Variants in ATP10A observed in about 807,000 individuals in gnomAD.
ATP10A encodes the protein ATPase phospholipid transporting 10A (putative), also known as phospholipid-transporting ATPase VA.
A neutral mutation model predicts 147.8 loss-of-function variants in ATP10A; 111 were observed. The observed-to-expected ratio is 0.75, with a 90% confidence interval of 0.64 to 0.88. ATP10A has a LOEUF of 0.88. Ranked by LOEUF, ATP10A falls within the 40% of genes least tolerant of loss-of-function variation. The probability of loss-of-function intolerance (pLI) is 0.00; values close to 1 mark genes in which losing one functional copy is unlikely to be tolerated. For missense variants in ATP10A, 1,927 were observed against 1,959.0 expected (o/e 0.98, Z 0.31); for synonymous variants, 875 against 841.6 (o/e 1.04, Z -0.69).
At chr15:25,811,192 C>T (rs925735382) in intron 1 of ATP10A, among the ~76,000 whole-genome samples, 4 of 152,200 alleles carry the variant, frequency 2.6e-5, no homozygotes, top group African/African-American at 7.2e-5. Flanking sequence ...TCCAGGGGCA[C>T]TGCCCGGACC....
chr15:25,771,076 C>T lies in ATP10A; in HGVS notation c.654+9943G>A, dbSNP rs546907577. Among the ~76,000 whole-genome samples, 15 of 152,176 alleles carry T rather than the reference C, an allele frequency of 9.9e-5. No homozygotes were observed. In the South Asian group the frequency reaches 2.7e-3, roughly 27 times the overall value. ...GCGGTAGTGGTTTTCCTTTTCAGCCCGCCACCACCAGACTCTCTCCCCTCT... is the reference window on the plus strand; with the variant it reads ...GCGGTAGTGGTTTTCCTTTTCAGCCTGCCACCACCAGACTCTCTCCCCTCT... On this transcript the variant is annotated intron_variant, in intron 2 of 20. Transcript: ENST00000555815.
chr15:25,853,172 C>G (rs922607509), intron 1 of ATP10A, among the ~76,000 whole-genome samples: 1 of 152,122 alleles, frequency 6.6e-6, no homozygotes. Context: ...CGGGAAAATG[C>G]AAAACAAGTA....
chr15:25,833,336 C>A (rs1892445349), intron 1 of ATP10A, among the ~76,000 whole-genome samples: 1 of 152,042 alleles, frequency 6.6e-6, no homozygotes, highest in Admixed American at 6.6e-5. Context: ...TGAATGCCTG[C>A]TGGCCATTCT....
chr15:25,828,911 A>T (rs1370970001), intron 1 of ATP10A, among the ~76,000 whole-genome samples: 1 of 152,134 alleles, frequency 6.6e-6, no homozygotes, highest in East Asian at 1.9e-4. Context: ...GATTTATAGA[A>T]ATGGAATTGT....
chr15:25,791,007 C>G (rs1448745701), intron 1 of ATP10A, among the ~76,000 whole-genome samples: 1 of 151,932 alleles, frequency 6.6e-6, no homozygotes, highest in Non-Finnish European at 1.5e-5. Flanking sequence ...CACACTCCTC[C>G]GTCAGTATCT....
intron 12 of ATP10A, among the ~76,000 whole-genome samples, chr15:25,706,337 G>C (rs1157286742): frequency 6.6e-6 from 1 of 152,154 alleles, no homozygotes; most frequent in East Asian, 1.9e-4. Flanking sequence ...CACCAACCAG[G>C]AGACTCACCA....
Position 25,765,301 on chromosome 15 carries a change from T to G in ATP10A, c.654+15718A>C, listed in dbSNP as rs181044500. Among the ~76,000 whole-genome samples, 50 of 152,260 alleles carry G rather than the reference T, an allele frequency of 3.3e-4. No homozygotes were observed. In the East Asian group the frequency reaches 4.1e-3, roughly 12 times the overall value. ...AGAATACCTGCCAATAATGACAACATGTGAACAAAGAATTCCCCTTCAGCA... is the reference window on the plus strand; with the variant it reads ...AGAATACCTGCCAATAATGACAACAGGTGAACAAAGAATTCCCCTTCAGCA... On this transcript the variant is annotated intron_variant, in intron 2 of 20. Transcript: ENST00000555815.
At chr15:25,803,890 G>C (rs1233244560) in intron 1 of ATP10A, among the ~76,000 whole-genome samples, 1 of 152,230 alleles carries the variant, frequency 6.6e-6, no homozygotes, top group Admixed American at 6.5e-5. Flanking sequence ...GCTGCTGCTG[G>C]TCTGCCTGTG....
intron 15 of ATP10A, among the ~76,000 whole-genome samples, chr15:25,690,120 C>T (rs112768067): frequency 1.1e-4 from 16 of 152,132 alleles, no homozygotes; most frequent in African/African-American, 2.2e-4. Context: ...TAATAGCCTA[C>T]GGTTGATGGG....
intron 1 of ATP10A, among the ~76,000 whole-genome samples, chr15:25,821,324 G>C (rs1050512601): frequency 6.6e-6 from 1 of 152,088 alleles, no homozygotes. Context: ...GGGAGATCGA[G>C]GCTGCAATGA....
In ATP10A at chr15:25,679,887, G is replaced by A. The variant is rs1555453437; in HGVS notation, c.3954C>T (p.Cys1318=). The A allele has an allele frequency of 2.5e-6, 4 of 1,610,340 alleles. No individual in the cohort carries two copies. Among genetic ancestry groups the A allele is most frequent in the South Asian group, 1.1e-5 (1 of 91,076 alleles). The change falls in exon 21 of 21, where the codon TGC becomes TGT. Residue 1318 remains cysteine (C), a synonymous_variant. Coordinates refer to ENST00000555815, the MANE Select transcript of ATP10A (RefSeq NM_024490.4). ...RQLTRKSPRR[C]SAPKETFAQG... is the part of the protein sequence containing the mutation. Reference sequence around the variant, plus strand: ...GAGCAAAGGTCTCTTTGGGAGCACTGCATCTCCTGGGGGACTTCCTGGTCA... The same window carrying A: ...GAGCAAAGGTCTCTTTGGGAGCACTACATCTCCTGGGGGACTTCCTGGTCA...
At chr15:25,795,907 G>T (rs559267748) in intron 1 of ATP10A, among the ~76,000 whole-genome samples, 1 of 152,154 alleles carries the variant, frequency 6.6e-6, no homozygotes, top group Non-Finnish European at 1.5e-5. Flanking sequence ...TCCTGTGAGA[G>T]CTGGTTGTTA....
At chr15:25,828,590 A>T (rs1892218280) in intron 1 of ATP10A, among the ~76,000 whole-genome samples, 1 of 152,242 alleles carries the variant, frequency 6.6e-6, no homozygotes, top group African/African-American at 2.4e-5. Context: ...CTTTGAGATG[A>T]ACGCAAACAA....
At chr15:25,806,001 T>C (rs1477783748) in intron 1 of ATP10A, among the ~76,000 whole-genome samples, 1 of 152,240 alleles carries the variant, frequency 6.6e-6, no homozygotes, top group Non-Finnish European at 1.5e-5. Flanking sequence ...TATTTTCTAA[T>C]GCAGAAAATT....
intron 1 of ATP10A, among the ~76,000 whole-genome samples, chr15:25,835,028 C>T (rs762752312): frequency 2.0e-5 from 3 of 152,064 alleles, no homozygotes; most frequent in Non-Finnish European, 2.9e-5. Context: ...TTTGGGAGGC[C>T]GAGGCAGGAT....
chr15:25,700,796 T>G (rs1399177019), intron 13 of ATP10A, among the ~76,000 whole-genome samples: 1 of 152,104 alleles, frequency 6.6e-6, no homozygotes, highest in African/African-American at 2.4e-5. Flanking sequence ...TTAAAATTCA[T>G]GTAAGTGTAT....
chr15:25,837,148 T>A (rs545784538), intron 1 of ATP10A, among the ~76,000 whole-genome samples: 1 of 151,896 alleles, frequency 6.6e-6, no homozygotes, highest in African/African-American at 2.4e-5. Flanking sequence ...AATACAAGAG[T>A]AACTACCATA....
In ATP10A at chr15:25,852,773, A is replaced by C. The variant is rs543767969; in HGVS notation, c.449+9875T>G. On this transcript the variant is annotated intron_variant, in intron 1 of 20. Transcript: ENST00000555815. ...TTCAAGCACAGTGAATTCCCCTAAA[A>C]CTCATTTACTACCCCTGTACAATCA... Among the ~76,000 whole-genome samples, 3 of 151,748 alleles carry C rather than the reference A, an allele frequency of 2.0e-5. No homozygotes were observed. The East Asian group carries it at 5.8e-4, about 29-fold the overall frequency.
intron 1 of ATP10A, among the ~76,000 whole-genome samples, chr15:25,851,159 A>C (rs528009900): frequency 1.5e-4 from 23 of 152,146 alleles, no homozygotes; most frequent in Non-Finnish European, 3.1e-4. Flanking sequence ...CTAGATTACT[A>C]TACAACAGGC....
Sources: allele counts gnomAD v4.1 joint callset (sites outside exome capture counted in the v4.1 genomes callset), GRCh38; gene constraint gnomAD v4.1.1; transcripts MANE v1.5; gene names NCBI Gene and HGNC (gene_info 2026-07-23, HGNC 2026-07-21).